The following STAG1 variants were observed in gnomAD, a reference collection of about 807,000 sequenced individuals.
STAG1 encodes the protein STAG1 cohesin complex component.
STAG1 carries 26 observed loss-of-function variants against 170.9 expected under a neutral mutation model. That is an observed-to-expected ratio of 0.15 (90% CI 0.11 to 0.21). The LOEUF (loss-of-function observed/expected upper bound fraction) is 0.21, where lower values mean the gene tolerates loss of function less well. Ranked by LOEUF, STAG1 falls within the 10% of genes least tolerant of loss-of-function variation. The pLI is 1.00. For missense variants in STAG1, 964 were observed against 1,509.5 expected (o/e 0.64, Z 5.99); for synonymous variants, 514 against 497.7 (o/e 1.03, Z -0.44).
intron 22 of STAG1, among the ~76,000 whole-genome samples, chr3:136,383,954 CA>C (rs71304276): frequency 8.7e-3 from 511 of 59,000 alleles, no homozygotes; most frequent in African/African-American, 0.03. Flanking sequence ...GACTCCGTCT[CA>C]AAAAAAAAAA....
At chr3:136,397,909 C>T (rs2655003) in intron 22 of STAG1, among the ~76,000 whole-genome samples, 1 of 151,634 alleles carries the variant, frequency 6.6e-6, no homozygotes, top group Non-Finnish European at 1.5e-5. Flanking sequence ...GGGTTGTTCA[C>T]TTTGTGTCTC....
chr3:136,469,468 C>T (rs1003136482), intron 12 of STAG1, among the ~76,000 whole-genome samples: 1 of 152,176 alleles, frequency 6.6e-6, no homozygotes, highest in Non-Finnish European at 1.5e-5. Flanking sequence ...CAAACCACTG[C>T]TCAATGAAAT....
intron 1 of STAG1, among the ~76,000 whole-genome samples, chr3:136,680,510 T>C (rs1003787693): frequency 1.3e-5 from 2 of 152,032 alleles, no homozygotes; most frequent in African/African-American, 4.8e-5. Flanking sequence ...ACAAGAATTT[T>C]TGGGAGGCAC....
At chr3:136,464,790 T>C in intron 13 of STAG1, 91 bp downstream of exon 13, 2 of 1,032,518 alleles carry the variant, frequency 1.9e-6, no homozygotes, top group Non-Finnish European at 1.4e-6. Context: ...CAGCACTGTG[T>C]TCAGTCACTA....
intron 6 of STAG1, among the ~76,000 whole-genome samples, chr3:136,541,917 A>G (rs1935923585): frequency 6.6e-6 from 1 of 152,180 alleles, no homozygotes; most frequent in South Asian, 2.1e-4. Context: ...GCCTGCCAGT[A>G]ATTATTCAAT....
chr3:136,747,104 A>T lies in STAG1; in HGVS notation c.-84+5091T>A. 2.0e-5 allele frequency among the ~76,000 whole-genome samples: 2 copies of T among 100,094 alleles called. 1 individual carries two copies. The highest frequency in any genetic ancestry group is 6.5e-5 in the African/African-American group (2 of 30,548). 65.7% of individuals were successfully genotyped at this position (100,094 alleles called of 152,430 possible). A position where few individuals can be genotyped will look rare whatever the true frequency, so the allele number is the denominator to read the frequency against. ...AGAGTGAAACTGTCTAAAAAAAAAA[A>T]AAAAAAAAAAAAAAAAAAATTAGCC... is the stretch of plus-strand genomic sequence containing the variant. On this transcript the variant is annotated intron_variant, in intron 1 of 33. Coordinates refer to ENST00000383202, the MANE Select transcript of STAG1 (RefSeq NM_005862.3).
intron 22 of STAG1, among the ~76,000 whole-genome samples, chr3:136,392,581 A>G (rs2087037080): frequency 6.6e-6 from 1 of 152,014 alleles, no homozygotes; most frequent in Non-Finnish European, 1.5e-5. Flanking sequence ...CCTGGCTAAC[A>G]CGGTGAAACC....
At chr3:136,581,155 A>G (rs1312686498) in intron 4 of STAG1, among the ~76,000 whole-genome samples, 2 of 152,148 alleles carry the variant, frequency 1.3e-5, no homozygotes, top group Non-Finnish European at 2.9e-5. Context: ...CCAGACAAGA[A>G]CATAATTTTT....
intron 23 of STAG1, among the ~76,000 whole-genome samples, chr3:136,372,979 G>A (rs1230287771): frequency 2.0e-5 from 3 of 151,990 alleles, no homozygotes; most frequent in African/African-American, 4.8e-5. Flanking sequence ...ATCTGGTCCT[G>A]GACTTTTTTT....
intron 1 of STAG1, among the ~76,000 whole-genome samples, chr3:136,718,470 A>C (rs985848864): frequency 6.6e-6 from 1 of 152,184 alleles, no homozygotes; most frequent in African/African-American, 2.4e-5. Flanking sequence ...CTAGGTTTTA[A>C]TCATTAAACA....
chr3:136,404,694 G>A (rs1387639921), intron 21 of STAG1, among the ~76,000 whole-genome samples: 2 of 152,108 alleles, frequency 1.3e-5, no homozygotes, highest in East Asian at 1.9e-4. Flanking sequence ...CTGAATCAGT[G>A]AGAATCATTC....
At chr3:136,700,189 C>G (rs1259215977) in intron 1 of STAG1, among the ~76,000 whole-genome samples, 3 of 146,400 alleles carry the variant, frequency 2.0e-5, no homozygotes, top group African/African-American at 7.6e-5. Context: ...TTTTCTCTAT[C>G]TAGGATGCTT....
intron 7 of STAG1, among the ~76,000 whole-genome samples, chr3:136,519,761 T>A (rs1227115893): frequency 6.6e-6 from 1 of 152,082 alleles, no homozygotes; most frequent in East Asian, 1.9e-4. Flanking sequence ...AGTAACTTTT[T>A]AAAAAAGATA....
intron 21 of STAG1, among the ~76,000 whole-genome samples, chr3:136,399,673 T>A (rs2087262082): frequency 6.6e-6 from 1 of 152,218 alleles, no homozygotes; most frequent in African/African-American, 2.4e-5. Flanking sequence ...GCGATTAACA[T>A]GCTTATATAT....
chr3:136,678,621 T>C (rs1942218812), intron 1 of STAG1, among the ~76,000 whole-genome samples: 1 of 151,780 alleles, frequency 6.6e-6, no homozygotes, highest in Non-Finnish European at 1.5e-5. Flanking sequence ...AATTAAGTTT[T>C]TGTATCTAGG....
At chr3:136,465,092 A>G (rs1472821487) in intron 12 of STAG1, 104 bp from the exon 13 acceptor site, 11 of 688,766 alleles carry the variant, frequency 1.6e-5, no homozygotes, top group Non-Finnish European at 2.2e-5. Flanking sequence ...AAGACTTAAT[A>G]ATTGTTGTCT....
chr3:136,595,210 A>C (rs897629582), intron 4 of STAG1, among the ~76,000 whole-genome samples: 2 of 152,190 alleles, frequency 1.3e-5, no homozygotes, highest in African/African-American at 2.4e-5. Flanking sequence ...TCCAAAATTC[A>C]ACATGTATTT....
intron 20 of STAG1, among the ~76,000 whole-genome samples, chr3:136,419,397 T>A (rs1482050391): frequency 2.0e-5 from 3 of 152,158 alleles, no homozygotes; most frequent in Admixed American, 6.5e-5. Context: ...GCATATCTCA[T>A]TACAATGCAA....
intron 1 of STAG1, among the ~76,000 whole-genome samples, chr3:136,674,785 A>G (rs1942083214): frequency 6.6e-6 from 1 of 152,204 alleles, no homozygotes; most frequent in Non-Finnish European, 1.5e-5. Flanking sequence ...TTCTAACTCA[A>G]TAAAGCTGTT....
Sources: gnomAD v4.1 joint callset for allele counts (sites outside exome capture counted in the v4.1 genomes callset) on GRCh38, gnomAD v4.1.1 for gene constraint, MANE v1.5 for transcripts, NCBI Gene and HGNC (gene_info 2026-07-23, HGNC 2026-07-21) for gene names.